GPHN: variants seen among roughly 807,000 people sequenced by gnomAD.
GPHN encodes the protein gephyrin.
A neutral mutation model predicts 95.5 loss-of-function variants in GPHN; 17 were observed. The ratio of observed to expected loss-of-function variants is 0.18; its 90% CI spans 0.12 to 0.27. The LOEUF is 0.27. Ranked by LOEUF, GPHN falls within the 10% of genes least tolerant of loss-of-function variation. The probability of loss-of-function intolerance (pLI) is 1.00; values close to 1 mark genes in which losing one functional copy is unlikely to be tolerated. For missense variants in GPHN, 660 were observed against 978.1 expected, an observed-to-expected ratio of 0.67 and a Z score of 4.34; for synonymous variants, 320 against 322.5, an observed-to-expected ratio of 0.99 and a Z score of 0.08.
the GPHN span, among the ~76,000 whole-genome samples, chr14:67,630,056 T>C: frequency 6.6e-6 from 1 of 152,246 alleles, no homozygotes; most frequent in Non-Finnish European, 1.5e-5. Context: ...AGCCATCTCA[T>C]GATCCTCAAG....
chr14:66,726,983 T>C (rs1055679643), intron 2 of GPHN, among the ~76,000 whole-genome samples: 1 of 152,196 alleles, frequency 6.6e-6, no homozygotes, highest in Non-Finnish European at 1.5e-5. Context: ...GTGTCCCCCC[T>C]CAAATCTCAT....
chr14:67,532,879 C>T, the GPHN span, among the ~76,000 whole-genome samples: 15 of 152,328 alleles, frequency 9.8e-5, 1 homozygote, highest in South Asian at 3.1e-3. Flanking sequence ...TGTCCCGCAG[C>T]CCGCGAGGGT....
At chr14:67,613,566 G>A in the GPHN span, 3 of 211,294 alleles carry the variant, frequency 1.4e-5, no homozygotes, top group Admixed American at 4.3e-5. Context: ...CAGATCAATG[G>A]AAACAAGATT....
At chr14:66,519,895 A>C (rs7156737) in intron 1 of GPHN, among the ~76,000 whole-genome samples, 51,934 of 151,990 alleles carry the variant, frequency 0.34, 13,403 homozygotes, top group African/African-American at 0.7. Flanking sequence ...AAGAAATTGT[A>C]GCAGAGAGAG....
At chr14:67,344,670 G>T in the GPHN span, among the ~76,000 whole-genome samples, 4 of 152,042 alleles carry the variant, frequency 2.6e-5, no homozygotes, top group Non-Finnish European at 5.9e-5. Flanking sequence ...CTTGAGGCCA[G>T]GAGTTTGAGA....
chr14:67,578,517 G>T, the GPHN span: 1 of 1,578,720 alleles, frequency 6.3e-7, no homozygotes, highest in Non-Finnish European at 8.7e-7. This position sits in a 1 kb window ranked among gnomAD's most constrained non-coding sequence, Gnocchi z 5.0. Flanking sequence ...ACCCCACGCT[G>T]TCTGTGTCCC....
the GPHN span, among the ~76,000 whole-genome samples, chr14:67,282,469 A>G: frequency 6.6e-6 from 1 of 152,166 alleles, no homozygotes; most frequent in Non-Finnish European, 1.5e-5. Context: ...TTAAGAATCA[A>G]AAATATGATT....
chr14:66,939,026 C>T (rs1361148426), intron 8 of GPHN, among the ~76,000 whole-genome samples: 1 of 152,096 alleles, frequency 6.6e-6, no homozygotes, highest in Non-Finnish European at 1.5e-5. Context: ...TATCTAACAC[C>T]ATATACAAAA....
At chr14:66,618,791 C>T (rs1473066805) in intron 1 of GPHN, among the ~76,000 whole-genome samples, 1 of 152,088 alleles carries the variant, frequency 6.6e-6, no homozygotes, top group East Asian at 1.9e-4. Flanking sequence ...ATAAACGGCA[C>T]ATTTTAAATT....
chr14:66,580,845 G>A (rs562621592), intron 1 of GPHN, among the ~76,000 whole-genome samples: 103 of 151,624 alleles, frequency 6.8e-4, no homozygotes, highest in African/African-American at 1.7e-3. Flanking sequence ...CCATGATACC[G>A]AAGTCAAAGA....
intron 3 of GPHN, among the ~76,000 whole-genome samples, chr14:66,800,650 T>G (rs902643656): frequency 2.0e-5 from 3 of 152,254 alleles, no homozygotes; most frequent in African/African-American, 7.2e-5. Flanking sequence ...GTTTGAATAC[T>G]AAATACCATG....
chr14:67,569,310 A>G, the GPHN span: 3 of 877,228 alleles, frequency 3.4e-6, no homozygotes, highest in Non-Finnish European at 3.7e-6. Flanking sequence ...ACCCAGGGCC[A>G]GGGTTGGCTG....
chr14:67,131,923 C>T (rs569410000), intron 17 of GPHN, among the ~76,000 whole-genome samples: 10 of 152,222 alleles, frequency 6.6e-5, no homozygotes, highest in African/African-American at 2.2e-4. Flanking sequence ...CAACTTGGAC[C>T]TTCTAGCCTT....
At chr14:66,726,941 G>A (rs1188336979) in intron 2 of GPHN, among the ~76,000 whole-genome samples, 1 of 152,130 alleles carries the variant, frequency 6.6e-6, no homozygotes, top group African/African-American at 2.4e-5. Flanking sequence ...AATGAATTTT[G>A]TGTTTAGACT....
chr14:67,540,471 C>A, the GPHN span, among the ~76,000 whole-genome samples: 1 of 151,744 alleles, frequency 6.6e-6, no homozygotes, highest in East Asian at 1.9e-4. Flanking sequence ...ACTAAAAATA[C>A]AAAAAATTAG....
the GPHN span, among the ~76,000 whole-genome samples, chr14:67,476,456 ATG>A: frequency 3.3e-5 from 5 of 152,080 alleles, no homozygotes; most frequent in African/African-American, 9.7e-5. Flanking sequence ...GTGTGGTGGC[ATG>A]CACCTGTAGT....
At chr14:67,603,165 G>A in the GPHN span, among the ~76,000 whole-genome samples, 1 of 152,130 alleles carries the variant, frequency 6.6e-6, no homozygotes, top group Non-Finnish European at 1.5e-5. Context: ...AACTTCCTGG[G>A]CTAAAGAGAT....
At chr14:66,999,917 A>C (rs2072096613) in intron 9 of GPHN, among the ~76,000 whole-genome samples, 1 of 151,800 alleles carries the variant, frequency 6.6e-6, no homozygotes, top group African/African-American at 2.4e-5. Flanking sequence ...ATAAACATCC[A>C]AGTTGTCATG....
At chr14:67,564,184 G>T in the GPHN span, among the ~76,000 whole-genome samples, 2 of 152,246 alleles carry the variant, frequency 1.3e-5, no homozygotes, top group East Asian at 3.9e-4. Flanking sequence ...TATATTTTTA[G>T]TAGAGTCGGG....
Sources: allele counts gnomAD v4.1 joint callset (sites outside exome capture counted in the v4.1 genomes callset), GRCh38; gene constraint gnomAD v4.1.1; non-coding constraint Gnocchi (gnomAD v3.1); transcripts MANE v1.5; gene names NCBI Gene and HGNC (gene_info 2026-07-23, HGNC 2026-07-21).